Variants in CNTNAP5 observed in about 807,000 individuals in gnomAD.
CNTNAP5 encodes the protein contactin-associated protein-like 5.
A neutral mutation model predicts 150.2 loss-of-function variants in CNTNAP5; 72 were observed. That is an observed-to-expected ratio of 0.48 (90% CI 0.40 to 0.58). The LOEUF (loss-of-function observed/expected upper bound fraction) is 0.58, where lower values mean the gene tolerates loss of function less well. CNTNAP5 is among the 20% of genes least tolerant of loss of function. CNTNAP5 has a pLI of 0.00. For synonymous variants in CNTNAP5, 672 were observed against 619.8 expected (o/e 1.08, Z -1.25); for missense variants, 1,636 against 1,626.2 (o/e 1.01, Z -0.10).
At chr2:124,808,607 A>T (rs1682133292) in intron 19 of CNTNAP5, among the ~76,000 whole-genome samples, 1 of 152,020 alleles carries the variant, frequency 6.6e-6, no homozygotes, top group African/African-American at 2.4e-5. Flanking sequence ...AAAAAGACAA[A>T]GCAATCAAAT....
At chr2:124,896,211 T>C (rs1056794341) in intron 21 of CNTNAP5, among the ~76,000 whole-genome samples, 6 of 151,582 alleles carry the variant, frequency 4.0e-5, no homozygotes, top group Admixed American at 3.3e-4. Context: ...GTTGTGGATG[T>C]AAATGTAAAA....
chr2:124,350,680 A>T (rs1353533189), intron 3 of CNTNAP5, among the ~76,000 whole-genome samples: 1 of 152,092 alleles, frequency 6.6e-6, no homozygotes, highest in Non-Finnish European at 1.5e-5. Flanking sequence ...AGGTTATTTT[A>T]TCTATAATTT....
At chr2:124,909,542 C>A (rs901596476) in intron 22 of CNTNAP5, among the ~76,000 whole-genome samples, 2 of 152,060 alleles carry the variant, frequency 1.3e-5, no homozygotes, top group African/African-American at 4.8e-5. Flanking sequence ...GGTGGAGTAG[C>A]ACAGGGATAA....
chr2:124,607,153 A>G (rs1350408177), intron 11 of CNTNAP5, among the ~76,000 whole-genome samples: 1 of 152,190 alleles, frequency 6.6e-6, no homozygotes, highest in South Asian at 2.1e-4. Context: ...TTCTAAAACA[A>G]CACCTGGAAA....
intron 3 of CNTNAP5, among the ~76,000 whole-genome samples, chr2:124,259,359 T>C (rs960439206): frequency 2.5e-4 from 38 of 152,164 alleles, no homozygotes; most frequent in African/African-American, 5.8e-4. Flanking sequence ...TTATAATCCA[T>C]TGGGTATATA....
chr2:124,576,374 G>A (rs535582071), intron 11 of CNTNAP5, among the ~76,000 whole-genome samples: 1 of 152,210 alleles, frequency 6.6e-6, no homozygotes, highest in African/African-American at 2.4e-5. Context: ...CTGTCGTGAT[G>A]CCTGGAAGAG....
intron 1 of CNTNAP5, among the ~76,000 whole-genome samples, chr2:124,139,358 A>G (rs1684050852): frequency 6.6e-6 from 1 of 152,152 alleles, no homozygotes; most frequent in Non-Finnish European, 1.5e-5. Context: ...ACCATTGAAT[A>G]AAGAATTGTT....
At chr2:124,625,472 A>G (rs1326015012) in intron 12 of CNTNAP5, among the ~76,000 whole-genome samples, 1 of 152,214 alleles carries the variant, frequency 6.6e-6, no homozygotes, top group Admixed American at 6.5e-5. Context: ...TACATAGTAT[A>G]GTAGTGATCA....
At chr2:124,420,077 G>A (rs1328086634) in intron 4 of CNTNAP5, among the ~76,000 whole-genome samples, 4 of 132,568 alleles carry the variant, frequency 3.0e-5, no homozygotes, top group Admixed American at 8.5e-5. Flanking sequence ...TGCAACCTCC[G>A]CCTCCTGAGT....
intron 21 of CNTNAP5, among the ~76,000 whole-genome samples, chr2:124,874,322 A>T (rs769966293): frequency 3.3e-5 from 5 of 152,076 alleles, no homozygotes; most frequent in African/African-American, 1.2e-4. Flanking sequence ...TTTGGAAGAG[A>T]TAATGTTTCT....
At chr2:124,737,162 G>C (rs1680400331) in intron 13 of CNTNAP5, among the ~76,000 whole-genome samples, 1 of 151,838 alleles carries the variant, frequency 6.6e-6, no homozygotes, top group Admixed American at 6.6e-5. Context: ...GTGATTGTAT[G>C]CTCTTGTAAT....
chr2:124,421,079 T>A (rs1236517247), intron 4 of CNTNAP5, among the ~76,000 whole-genome samples: 1 of 152,178 alleles, frequency 6.6e-6, no homozygotes, highest in Non-Finnish European at 1.5e-5. Context: ...TAATTGGCTA[T>A]CTCAGTTTGC....
At chr2:124,882,210 C>A (rs141409135) in intron 21 of CNTNAP5, among the ~76,000 whole-genome samples, 2 of 152,164 alleles carry the variant, frequency 1.3e-5, no homozygotes, top group African/African-American at 4.8e-5. Context: ...GGGCCAACAT[C>A]CCTGAGGATA....
chr2:124,451,041 A>AT (rs1380741934), intron 6 of CNTNAP5, among the ~76,000 whole-genome samples: 7 of 72,786 alleles, frequency 9.6e-5, no homozygotes, highest in African/African-American at 3.3e-4. Context: ...AAAAAAAAAA[A>AT]AAAAAAAAAA....
intron 1 of CNTNAP5, among the ~76,000 whole-genome samples, chr2:124,028,359 C>G (rs181594802): frequency 6.6e-6 from 1 of 151,552 alleles, no homozygotes; most frequent in African/African-American, 2.4e-5. Context: ...ATAATCTGAC[C>G]GAAACCTGGG....
chr2:124,145,962 G>T (rs1481189332), intron 1 of CNTNAP5, among the ~76,000 whole-genome samples: 1 of 151,920 alleles, frequency 6.6e-6, no homozygotes, highest in Non-Finnish European at 1.5e-5. Context: ...CATTGCTGGG[G>T]TGTTGAATTA....
At chr2:124,081,031 C>A (rs1376828835) in intron 1 of CNTNAP5, among the ~76,000 whole-genome samples, 1 of 152,110 alleles carries the variant, frequency 6.6e-6, no homozygotes, top group Non-Finnish European at 1.5e-5. Context: ...CTTCAAAGTT[C>A]TTGTAGTCAT....
intron 3 of CNTNAP5, among the ~76,000 whole-genome samples, chr2:124,292,668 ATAT>A (rs1163039716): frequency 2.6e-5 from 4 of 151,956 alleles, no homozygotes; most frequent in African/African-American, 7.2e-5. Context: ...TTAAAGAAAG[ATAT>A]TATAAAAGGA....
At chr2:124,850,386 A>T (rs1020135591) in intron 19 of CNTNAP5, among the ~76,000 whole-genome samples, 4 of 152,212 alleles carry the variant, frequency 2.6e-5, no homozygotes, top group African/African-American at 4.8e-5. Context: ...ACAAATAGGG[A>T]CACACAGAGG....
Sources: allele counts gnomAD v4.1 joint callset (sites outside exome capture counted in the v4.1 genomes callset), GRCh38; gene constraint gnomAD v4.1.1; transcripts MANE v1.5; gene names NCBI Gene and HGNC (gene_info 2026-07-23, HGNC 2026-07-21).